Variants in ULK4 observed in about 807,000 individuals in gnomAD.
ULK4 encodes the protein inactive serine/threonine-protein kinase ULK4.
In ULK4, 133 loss-of-function variants were observed where a neutral mutation model predicts 160.6. That is an observed-to-expected ratio of 0.83 (90% confidence interval 0.72 to 0.96). The LOEUF (loss-of-function observed/expected upper bound fraction) is 0.96, where lower values mean the gene tolerates loss of function less well. Among genes scored for constraint, ULK4 ranks in the 40% least tolerant of loss-of-function variants. The probability of loss-of-function intolerance (pLI) is 0.00; values close to 1 mark genes in which losing one functional copy is unlikely to be tolerated. For missense variants in ULK4, 1,580 were observed against 1,499.5 expected (o/e 1.05, Z -0.89); for synonymous variants, 534 against 539.8 (o/e 0.99, Z 0.15).
At chr3:41,650,631 C>T (rs957531977) in intron 30 of ULK4, among the ~76,000 whole-genome samples, 1 of 152,232 alleles carries the variant, frequency 6.6e-6, no homozygotes, top group Non-Finnish European at 1.5e-5. Flanking sequence ...ATGTGCCTGG[C>T]TGGCCTTTGG....
At chr3:41,386,179 C>A (rs75915789) in intron 35 of ULK4, among the ~76,000 whole-genome samples, 6 of 152,116 alleles carry the variant, frequency 3.9e-5, no homozygotes, top group African/African-American at 9.7e-5. Context: ...TCCACTCTTG[C>A]GGATTTAGCT....
At chr3:41,358,534 C>G (rs937655976) in intron 35 of ULK4, among the ~76,000 whole-genome samples, 1 of 152,086 alleles carries the variant, frequency 6.6e-6, no homozygotes, top group Non-Finnish European at 1.5e-5. Context: ...GAGTAAAGAC[C>G]TGAAGGAAGG....
At chr3:41,831,531 ATTTT>A (rs1553666744) in intron 18 of ULK4, among the ~76,000 whole-genome samples, 1 of 138,066 alleles carries the variant, frequency 7.2e-6, no homozygotes. Context: ...ATATATATAT[ATTTT>A]TTTTTCTTTC....
chr3:41,704,314 G>C (rs1202457786), intron 27 of ULK4, among the ~76,000 whole-genome samples: 3 of 152,154 alleles, frequency 2.0e-5, no homozygotes, highest in African/African-American at 4.8e-5. Context: ...TCAGTGAGAG[G>C]GGCAGGGGTG....
chr3:41,420,986 T>C (rs540625331), intron 34 of ULK4, among the ~76,000 whole-genome samples: 203 of 152,028 alleles, frequency 1.3e-3, no homozygotes, highest in African/African-American at 4.6e-3. Context: ...TGGTGGTGCA[T>C]GGCTGTAGTC....
intron 34 of ULK4, 135 bp from the exon 35 acceptor site, chr3:41,398,399 T>C: frequency 1.2e-6 from 1 of 859,990 alleles, no homozygotes; most frequent in South Asian, 1.8e-5. Context: ...TTTTTTTTTT[T>C]TTGAGACAGG....
At chr3:41,286,259 C>T (rs2079454883) in intron 35 of ULK4, among the ~76,000 whole-genome samples, 1 of 152,168 alleles carries the variant, frequency 6.6e-6, no homozygotes, top group African/African-American at 2.4e-5. Context: ...TAATCACCCT[C>T]TGAGACGGGC....
In ULK4 at chr3:41,695,098, CAGA is replaced by C. The variant is rs529991187; in HGVS notation, c.2781+9956_2781+9958del. ...ATCCTTTAGCTGTGTCCTCACATGG[CAGA>C]AGAAGTACAAAGGCCAAACCAACTC... On this transcript the variant is annotated intron_variant, in intron 27 of 36. Transcript: ENST00000301831. 3.3e-5 allele frequency among the ~76,000 whole-genome samples: 5 copies of C among 152,268 alleles called. No individual in the cohort carries two copies. The South Asian group carries it at 6.2e-4, about 19-fold the overall frequency.
chr3:41,557,283 A>AC (rs1444617581), intron 32 of ULK4, among the ~76,000 whole-genome samples: 6 of 152,140 alleles, frequency 3.9e-5, no homozygotes, highest in Non-Finnish European at 1.5e-5. Flanking sequence ...TCTATTTGAA[A>AC]CTTGTAAATA....
At chr3:41,317,063 ATTTTTTTTTTT>A (rs1164870603) in intron 35 of ULK4, among the ~76,000 whole-genome samples, 6 of 94,522 alleles carry the variant, frequency 6.3e-5, no homozygotes, top group Non-Finnish European at 1.2e-4. Flanking sequence ...AATTACATCT[ATTTTTTTTTTT>A]TTTTTTTTTT....
intron 34 of ULK4, among the ~76,000 whole-genome samples, chr3:41,453,237 G>A (rs6769542): frequency 0.31 from 47,378 of 152,030 alleles, 7,590 homozygotes; most frequent in African/African-American, 0.36. Context: ...GTGCAGTGGT[G>A]TCATCATTGC....
chr3:41,435,666 G>A (rs1008454260), intron 34 of ULK4, among the ~76,000 whole-genome samples: 3 of 152,194 alleles, frequency 2.0e-5, no homozygotes, highest in African/African-American at 7.2e-5. Flanking sequence ...ATACAGACAG[G>A]CTGGGTGCAG....
intron 18 of ULK4, among the ~76,000 whole-genome samples, chr3:41,830,156 G>C (rs2041526090): frequency 6.6e-6 from 1 of 152,106 alleles, no homozygotes; most frequent in African/African-American, 2.4e-5. Flanking sequence ...TGGGGTAGGG[G>C]GAGTGGGGAG....
At chr3:41,327,028 C>CATGCTA (rs1158471856) in intron 35 of ULK4, among the ~76,000 whole-genome samples, 1 of 152,228 alleles carries the variant, frequency 6.6e-6, no homozygotes, top group East Asian at 1.9e-4. Flanking sequence ...ATTGCATTTA[C>CATGCTA]ATGCTAGGCT....
At chr3:41,455,736 G>A in intron 33 of ULK4, 141 bp from the exon 34 acceptor site, 2 of 666,458 alleles carry the variant, frequency 3.0e-6, no homozygotes, top group East Asian at 2.7e-5. Flanking sequence ...ATAGATGGAG[G>A]CCCCAGAAGA....
At chr3:41,504,240 GCTAA>G (rs906779403) in intron 32 of ULK4, among the ~76,000 whole-genome samples, 52 of 152,164 alleles carry the variant, frequency 3.4e-4, no homozygotes, top group African/African-American at 8.9e-4. Context: ...TGTCCTATCT[GCTAA>G]CTGTTTGTGT....
At chr3:41,758,733 C>T (rs1330164398) in intron 21 of ULK4, among the ~76,000 whole-genome samples, 5 of 152,054 alleles carry the variant, frequency 3.3e-5, no homozygotes, top group African/African-American at 4.8e-5. Flanking sequence ...ATTAACAGGG[C>T]GCAGTGGCGG....
At chr3:41,875,965 CA>C (rs1221477204) in intron 17 of ULK4, among the ~76,000 whole-genome samples, 9,053 of 68,674 alleles carry the variant, frequency 0.13, 799 homozygotes, top group African/African-American at 0.34. Flanking sequence ...ATGTTCTTAC[CA>C]AAAAAAAAAA....
At chr3:41,721,952 C>CT (rs1377953119) in intron 22 of ULK4, among the ~76,000 whole-genome samples, 1 of 152,174 alleles carries the variant, frequency 6.6e-6, no homozygotes, top group East Asian at 1.9e-4. Flanking sequence ...AGGGTCAAAT[C>CT]TTTTACCTTG....
Sources: allele counts gnomAD v4.1 joint callset (sites outside exome capture counted in the v4.1 genomes callset), GRCh38; gene constraint gnomAD v4.1.1; transcripts MANE v1.5; gene names NCBI Gene and HGNC (gene_info 2026-07-23, HGNC 2026-07-21).